Variants in LRRC17 observed in about 807,000 individuals in gnomAD.
LRRC17 encodes the protein leucine rich repeat containing 17.
A neutral mutation model predicts 41.5 loss-of-function variants in LRRC17; 33 were observed. The observed-to-expected ratio is 0.80, with a 90% confidence interval of 0.60 to 1.06. LRRC17 has a LOEUF of 1.06. Ranked by LOEUF, LRRC17 falls within the 50% of genes least tolerant of loss-of-function variation. The pLI, the probability that LRRC17 is intolerant of heterozygous loss-of-function variation, is 0.00. For synonymous variants in LRRC17, 192 were observed against 197.0 expected (o/e 0.97, Z 0.21); for missense variants, 491 against 519.3 (o/e 0.95, Z 0.53).
chr7:102,942,326 G>A (rs1821620045), intron 3 of LRRC17: 1 of 1,592,864 alleles, frequency 6.3e-7, no homozygotes, highest in Admixed American at 1.8e-5. Flanking sequence ...AGACTTACGT[G>A]AATGATTTTT....
chr7:102,913,029 C>T lies in LRRC17; in HGVS notation c.-257C>T. The T allele has an allele frequency of 1.9e-6, 3 of 1,611,676 alleles. No homozygotes were observed. The highest frequency in any genetic ancestry group is 2.5e-6 in the Non-Finnish European group (3 of 1,178,450). On this transcript the variant is annotated 5_prime_UTR_variant, in exon 1 of 4. Transcript: ENST00000339431. ...GTATAACGTGAGGGCTGAATGCAGC[C>T]CATTCTCTGGAGAACTTCCTCACAC...
chr7:102,926,119 A>C lies in LRRC17; in HGVS notation c.-140-7655A>C, dbSNP rs375794273. Among the ~76,000 whole-genome samples, 676 of 152,324 alleles carry C rather than the reference A, an allele frequency of 4.4e-3. 6 individuals carry two copies. Among genetic ancestry groups the C allele is most frequent in the African/African-American group, 0.016 (648 of 41,578 alleles). ...GGCAGACCAGTTCAGGCACCAGCTT[A>C]GGGACTTGAAAGCAGCAGACCCCTT... On this transcript the variant is annotated intron_variant, in intron 1 of 3. Coordinates refer to ENST00000339431, the MANE Select transcript of LRRC17 (RefSeq NM_001031692.3).
chr7:102,927,673 T>C (rs544444190), intron 1 of LRRC17, among the ~76,000 whole-genome samples: 10 of 152,212 alleles, frequency 6.6e-5, no homozygotes, highest in Non-Finnish European at 1.5e-4. Flanking sequence ...TATGCACCCA[T>C]GCTGCATGAG....
At chr7:102,928,531 A>G (rs1818558189) in intron 1 of LRRC17, among the ~76,000 whole-genome samples, 1 of 152,212 alleles carries the variant, frequency 6.6e-6, no homozygotes, top group Non-Finnish European at 1.5e-5. Flanking sequence ...TCAGCCCTGT[A>G]TATTATTAGA....
In LRRC17 at chr7:102,920,426, C is replaced by T. The variant is rs559153644; in HGVS notation, c.-141+7281C>T. Among the ~76,000 whole-genome samples the T allele has an allele frequency of 1.4e-3, 213 of 152,110 alleles. 1 individual carries two copies. The highest frequency in any genetic ancestry group is 1.2e-3 in the Non-Finnish European group (84 of 67,988). On this transcript the variant is annotated intron_variant, in intron 1 of 3. Coordinates refer to ENST00000339431, the MANE Select transcript of LRRC17 (RefSeq NM_001031692.3). ...TCTGTCACAGCACAATCATGACTCA[C>T]TGCAGCCTCAACCTCTGTGCTCAAA...
At chr7:102,933,677 TAGA>T in intron 1 of LRRC17, 94 bp from the exon 2 acceptor site, 1 of 327,262 alleles carries the variant, frequency 3.1e-6, no homozygotes, top group Non-Finnish European at 5.6e-6. Flanking sequence ...TCTGTGGAAC[TAGA>T]AGGCCTTTGC....
chr7:102,919,724 T>C (rs771403988), intron 1 of LRRC17, among the ~76,000 whole-genome samples: 1 of 152,246 alleles, frequency 6.6e-6, no homozygotes, highest in Non-Finnish European at 1.5e-5. Flanking sequence ...TCAAGAACTA[T>C]ACATGAAGAG....
In LRRC17 at chr7:102,926,387, CAG is replaced by C. The variant is rs749383436; in HGVS notation, c.-140-7384_-140-7383del. 5.0e-6 allele frequency: 8 copies of C among 1,603,706 alleles called. No individual in the cohort carries two copies. The South Asian group carries it at 7.8e-5, about 16-fold the overall frequency. ...TCATTGATTCATCCTGCATGAAAAA[CAG>C]AGGGAAGAGGCTTATCAAATTATAG... On this transcript the variant is annotated intron_variant, in intron 1 of 3. Transcript: ENST00000339431.
intron 1 of LRRC17, 37 bp downstream of exon 1, chr7:102,913,182 A>G (rs1436708547): frequency 1.9e-6 from 3 of 1,614,206 alleles, no homozygotes; most frequent in Non-Finnish European, 2.5e-6. Context: ...GTCTGCAATA[A>G]GCCAAACTAA....
chr7:102,936,518 G>A (rs139668109), intron 2 of LRRC17, among the ~76,000 whole-genome samples: 212 of 152,242 alleles, frequency 1.4e-3, no homozygotes, highest in African/African-American at 4.8e-3. Context: ...AGAATTTCCC[G>A]GATATTGTTA....
intron 1 of LRRC17, among the ~76,000 whole-genome samples, chr7:102,929,459 C>T (rs377054388): frequency 1.3e-4 from 20 of 151,826 alleles, no homozygotes; most frequent in East Asian, 5.8e-4. Flanking sequence ...CTCAGGAGTT[C>T]GAGACCAGCC....
chr7:102,941,207 A>G (rs1163630622), intron 3 of LRRC17, among the ~76,000 whole-genome samples: 1 of 152,210 alleles, frequency 6.6e-6, no homozygotes, highest in African/African-American at 2.4e-5. Context: ...TCATTTTTCA[A>G]TAAATAAGGA....
At chr7:102,927,347 CTG>C (rs1203976740) in intron 1 of LRRC17, among the ~76,000 whole-genome samples, 4 of 152,140 alleles carry the variant, frequency 2.6e-5, no homozygotes, top group African/African-American at 9.7e-5. Flanking sequence ...ATCTATCTGT[CTG>C]GAAGAGGTAA....
At chr7:102,935,325 C>CACTG (rs1412653498) in intron 2 of LRRC17, among the ~76,000 whole-genome samples, 1 of 141,838 alleles carries the variant, frequency 7.1e-6, no homozygotes, top group Non-Finnish European at 1.5e-5. Flanking sequence ...AATCTTGGCT[C>CACTG]ACTGCAACCT....
intron 1 of LRRC17, among the ~76,000 whole-genome samples, chr7:102,928,325 G>T (rs767755230): frequency 4.4e-4 from 67 of 152,138 alleles, no homozygotes; most frequent in Non-Finnish European, 7.8e-4. Context: ...CAAAAACTGA[G>T]TACCTACATT....
Position 102,915,019 on chromosome 7 carries a change from T to C in LRRC17, c.-141+1874T>C, listed in dbSNP as rs148044007. 3.7e-3 allele frequency among the ~76,000 whole-genome samples: 566 copies of C among 152,332 alleles called. 5 individuals carry two copies. The highest frequency in any genetic ancestry group is 0.013 in the African/African-American group (559 of 41,570). ...ACACAGTGCAAAATACACAAGGTTT[T>C]TGAATCCGGCCAAATGAGATGTAAA... On this transcript the variant is annotated intron_variant, in intron 1 of 3. Transcript: ENST00000339431.
At chr7:102,942,930 A>G (rs550779017) in intron 3 of LRRC17, among the ~76,000 whole-genome samples, 4 of 152,348 alleles carry the variant, frequency 2.6e-5, no homozygotes, top group South Asian at 2.1e-4. Context: ...TGGCTGGTCC[A>G]TATCAACTGG....
intron 1 of LRRC17, among the ~76,000 whole-genome samples, chr7:102,931,601 CTG>C (rs1420247809): frequency 6.6e-6 from 1 of 152,152 alleles, no homozygotes; most frequent in Non-Finnish European, 1.5e-5. Context: ...CAATTTTTTT[CTG>C]TCTCATACAC....
intron 1 of LRRC17, among the ~76,000 whole-genome samples, chr7:102,919,544 T>G (rs1040740532): frequency 1.3e-5 from 2 of 152,160 alleles, no homozygotes; most frequent in Non-Finnish European, 2.9e-5. Flanking sequence ...GTCTTTAATT[T>G]CTCAGAGAAA....
Sources: allele counts gnomAD v4.1 joint callset (sites outside exome capture counted in the v4.1 genomes callset), GRCh38; gene constraint gnomAD v4.1.1; transcripts MANE v1.5; gene names NCBI Gene and HGNC (gene_info 2026-07-23, HGNC 2026-07-21).